Variants in SENP7 observed in about 807,000 individuals in gnomAD.
SENP7 encodes the protein SUMO specific peptidase 7.
In SENP7, 64 loss-of-function variants were observed where a neutral mutation model predicts 141.2. The observed-to-expected ratio is 0.45, with a 90% CI of 0.37 to 0.56. The LOEUF is 0.56. Among genes scored for constraint, SENP7 ranks in the 20% least tolerant of loss-of-function variants. The pLI is 0.00. For missense variants in SENP7, 1,025 were observed against 1,212.2 expected (o/e 0.85, Z 2.29); for synonymous variants, 382 against 426.4 (o/e 0.90, Z 1.28).
chr3:101,334,409 T>C (rs1425790428), intron 17 of SENP7, among the ~76,000 whole-genome samples: 6 of 151,880 alleles, frequency 4.0e-5, no homozygotes, highest in African/African-American at 9.7e-5. Flanking sequence ...GAACTCTTAT[T>C]GCAGGAAAAA....
chr3:101,414,568 C>T lies in SENP7; in HGVS notation c.482+3025G>A, dbSNP rs1292179836. The stretch of plus-strand genomic sequence containing the variant: ...TTGTGTGACCAAGTGTGTGGATGAC[C>T]ACATGCACCTCATCCCAACTATGAC... On this transcript the variant is annotated intron_variant, in intron 5 of 23. Coordinates refer to ENST00000394095, the MANE Select transcript of SENP7 (RefSeq NM_020654.5). 5.0e-6 allele frequency: 8 copies of T among 1,604,488 alleles called. No individual in the cohort carries two copies. In the East Asian group the frequency reaches 1.8e-4, roughly 36 times the overall value.
intron 6 of SENP7, among the ~76,000 whole-genome samples, chr3:101,384,952 C>T (rs1471610279): frequency 6.6e-6 from 1 of 152,170 alleles, no homozygotes; most frequent in African/African-American, 2.4e-5. Context: ...TTGGGTATTT[C>T]ACTAATAGCA....
chr3:101,465,280 G>T (rs2063724468), intron 3 of SENP7, among the ~76,000 whole-genome samples: 1 of 152,114 alleles, frequency 6.6e-6, no homozygotes. Flanking sequence ...AAAAACCTGA[G>T]GACAAGCCAA....
chr3:101,452,313 G>A (rs540120378), intron 4 of SENP7, among the ~76,000 whole-genome samples: 1 of 151,948 alleles, frequency 6.6e-6, no homozygotes, highest in Admixed American at 6.6e-5. Flanking sequence ...AGATTCAATG[G>A]CATCCCCATC....
chr3:101,362,718 C>T (rs1317960965), intron 10 of SENP7, among the ~76,000 whole-genome samples: 1 of 152,128 alleles, frequency 6.6e-6, no homozygotes, highest in Non-Finnish European at 1.5e-5. Flanking sequence ...TACCTAAGAA[C>T]CATCTGTTAT....
chr3:101,479,822 G>C (rs1298045638), intron 3 of SENP7, among the ~76,000 whole-genome samples: 2 of 121,598 alleles, frequency 1.6e-5, no homozygotes, highest in African/African-American at 6.1e-5. Flanking sequence ...AAAAAAAGTA[G>C]TGATTTTATA....
rs542052970 is a variant in SENP7, at chr3:101,384,808, C to G, written c.678-12682G>C. Reference sequence around the variant, plus strand: ...GAGGTCACCAGCTGGCGAAGCAACACCACAAGGATCCTGTGACATCACCAC... The same window carrying G: ...GAGGTCACCAGCTGGCGAAGCAACAGCACAAGGATCCTGTGACATCACCAC... On this transcript the variant is annotated intron_variant, in intron 6 of 23. Transcript: ENST00000394095. Among the ~76,000 whole-genome samples, 5 of 152,286 alleles carry G rather than the reference C, an allele frequency of 3.3e-5. No individual in the cohort carries two copies. The East Asian group carries it at 5.8e-4, about 18-fold the overall frequency.
chr3:101,501,845 G>A (rs766289606), intron 1 of SENP7, among the ~76,000 whole-genome samples: 7 of 152,156 alleles, frequency 4.6e-5, no homozygotes, highest in Non-Finnish European at 2.9e-5. Flanking sequence ...TTCAACATAT[G>A]GTCAGCTGCT....
At chr3:101,355,598 G>C (rs2059719893) in intron 11 of SENP7, among the ~76,000 whole-genome samples, 2 of 152,122 alleles carry the variant, frequency 1.3e-5, no homozygotes, top group South Asian at 4.1e-4. Flanking sequence ...GTACCATACT[G>C]TTTTGGTTAC....
At chr3:101,500,608 G>A (rs1559917182) in intron 2 of SENP7, among the ~76,000 whole-genome samples, 1 of 152,048 alleles carries the variant, frequency 6.6e-6, no homozygotes, top group African/African-American at 2.4e-5. Flanking sequence ...TTCCTATATA[G>A]GTAGAAACTT....
intron 4 of SENP7, among the ~76,000 whole-genome samples, chr3:101,418,932 A>G (rs1419785587): frequency 6.6e-6 from 1 of 152,198 alleles, no homozygotes; most frequent in Admixed American, 6.5e-5. Context: ...CAACGATGCT[A>G]GTATAATCTG....
chr3:101,324,594 G>A lies in SENP7; in HGVS notation c.*1349C>T, dbSNP rs979411709. On this transcript the variant is annotated 3_prime_UTR_variant, in exon 24 of 24. Coordinates refer to ENST00000394095, the MANE Select transcript of SENP7 (RefSeq NM_020654.5). ...ATATATTTAATAATATAAAGATAGT[G>A]CCAAAATCAACAAAAGCTAAGAATA... 41 of 151,894 alleles carry A rather than the reference G, an allele frequency of 2.7e-4. No individual in the cohort carries two copies. Among genetic ancestry groups the A allele is most frequent in the South Asian group, 4.1e-4 (2 of 4,820 alleles). The allele number at this position is 151,894 out of a possible 1,614,324, so 9.4% of individuals were successfully genotyped here.
chr3:101,394,410 G>C (rs544736515), intron 6 of SENP7, among the ~76,000 whole-genome samples: 1 of 152,158 alleles, frequency 6.6e-6, no homozygotes, highest in Non-Finnish European at 1.5e-5. Flanking sequence ...AAACATGGTA[G>C]GTGCATGTAT....
At chr3:101,352,120 T>C (rs1205486689) in intron 11 of SENP7, among the ~76,000 whole-genome samples, 1 of 152,012 alleles carries the variant, frequency 6.6e-6, no homozygotes, top group Non-Finnish European at 1.5e-5. Context: ...AATGCCAACA[T>C]ACTATTTTAT....
At position 101,474,385 on chromosome 3, in the gene SENP7, G is replaced by A. The variant is rs75337822; in HGVS notation, c.187-15333C>T. 2.5e-3 allele frequency among the ~76,000 whole-genome samples: 385 copies of A among 152,268 alleles called. 10 individuals are homozygous for A. The East Asian group carries it at 0.062, about 25-fold the overall frequency. On this transcript the variant is annotated intron_variant, in intron 3 of 23. Transcript: ENST00000394095. Reference sequence around the variant, plus strand: ...ACAGTGTTTTGTAGTTCTCCTTGAAGAGATCTTTCACCTCCCTCCTTAGAT... The same window carrying A: ...ACAGTGTTTTGTAGTTCTCCTTGAAAAGATCTTTCACCTCCCTCCTTAGAT...
rs996588025 is a variant in SENP7, at chr3:101,362,468, T to C, written c.1477-607A>G. On this transcript the variant is annotated intron_variant, in intron 10 of 23. Coordinates refer to ENST00000394095, the MANE Select transcript of SENP7 (RefSeq NM_020654.5). ...AAATAATGTTCTTGCTACTGCACTT[T>C]AAAATTTTTTTATTTTAGATTCAGG... Among the ~76,000 whole-genome samples, 3 of 152,336 alleles carry C rather than the reference T, an allele frequency of 2.0e-5. No individual in the cohort carries two copies. The East Asian group carries it at 5.8e-4, about 29-fold the overall frequency.
chr3:101,510,066 C>T (rs980031979), intron 1 of SENP7, among the ~76,000 whole-genome samples: 1 of 152,148 alleles, frequency 6.6e-6, no homozygotes, highest in Non-Finnish European at 1.5e-5. Flanking sequence ...ATTTACTTGA[C>T]GTTTCCTATT....
intron 5 of SENP7, among the ~76,000 whole-genome samples, chr3:101,408,621 G>A (rs2061370634): frequency 6.6e-6 from 1 of 152,128 alleles, no homozygotes; most frequent in Non-Finnish European, 1.5e-5. Flanking sequence ...TGCAAGGATG[G>A]TTTAACATAC....
intron 5 of SENP7, among the ~76,000 whole-genome samples, chr3:101,415,832 T>C (rs2061602216): frequency 6.6e-6 from 1 of 152,214 alleles, no homozygotes; most frequent in Non-Finnish European, 1.5e-5. Context: ...TTCACCAACT[T>C]ATTACTTGAA....
Sources: allele counts gnomAD v4.1 joint callset (sites outside exome capture counted in the v4.1 genomes callset), GRCh38; gene constraint gnomAD v4.1.1; transcripts MANE v1.5; gene names NCBI Gene and HGNC (gene_info 2026-07-23, HGNC 2026-07-21).